ANK2: variants seen among roughly 807,000 people sequenced by gnomAD.
ANK2 encodes ankyrin 2.
ANK2 carries 83 observed loss-of-function variants against 360.5 expected under a neutral mutation model. That is an observed-to-expected ratio of 0.23 (90% CI 0.19 to 0.28). The LOEUF is 0.28. Ranked by LOEUF, ANK2 falls within the 10% of genes least tolerant of loss-of-function variation. The pLI, the probability that ANK2 is intolerant of heterozygous loss-of-function variation, is 1.00. For missense variants in ANK2, 4,201 were observed against 4,795.7 expected (o/e 0.88, Z 3.66); for synonymous variants, 1,740 against 1,759.5 (o/e 0.99, Z 0.28).
At chr4:112,895,903 G>A (rs2081590872) in intron 1 of ANK2, among the ~76,000 whole-genome samples, 1 of 152,234 alleles carries the variant, frequency 6.6e-6, no homozygotes, top group South Asian at 2.1e-4. Context: ...CAAAGCGAGA[G>A]CATTCAAACT....
intron 14 of ANK2, among the ~76,000 whole-genome samples, chr4:113,265,778 A>G (rs1337555701): frequency 1.3e-5 from 2 of 152,250 alleles, no homozygotes; most frequent in African/African-American, 4.8e-5. Context: ...CACTGACATC[A>G]TTGAGATTCT....
chr4:113,338,703 C>A (rs998798352), intron 31 of ANK2, among the ~76,000 whole-genome samples: 1 of 151,940 alleles, frequency 6.6e-6, no homozygotes, highest in Admixed American at 6.6e-5. Context: ...GTGCCCACCA[C>A]TATGCCCGGC....
chr4:112,901,103 C>G (rs1325615674), intron 1 of ANK2, among the ~76,000 whole-genome samples: 2 of 152,176 alleles, frequency 1.3e-5, no homozygotes, highest in Non-Finnish European at 2.9e-5. Flanking sequence ...ATTATGTCAT[C>G]TCCAACTACA....
At chr4:113,005,003 AC>A (rs1404953585) in intron 2 of ANK2, among the ~76,000 whole-genome samples, 5 of 152,146 alleles carry the variant, frequency 3.3e-5, no homozygotes, top group Non-Finnish European at 7.3e-5. Context: ...TTTAACTAAG[AC>A]ATGAAAACAA....
chr4:112,832,006 C>T (rs1227568470), intron 1 of ANK2, among the ~76,000 whole-genome samples: 1 of 150,426 alleles, frequency 6.6e-6, no homozygotes, highest in Admixed American at 6.6e-5. Flanking sequence ...CTGTAACACT[C>T]ACTGCAAGCG....
intron 24 of ANK2, chr4:113,317,470 A>G (rs191342832): frequency 9.2e-6 from 5 of 546,350 alleles, no homozygotes; most frequent in South Asian, 5.9e-5. Flanking sequence ...AGGAGTATCA[A>G]ATTTTAACTT....
At chr4:113,363,496 G>T (rs1275580310) in intron 40 of ANK2, 27 bp downstream of exon 40, 2 of 1,612,456 alleles carry the variant, frequency 1.2e-6, no homozygotes, top group East Asian at 2.2e-5. Context: ...ATGCATATTG[G>T]GCTAAAGTTG....
chr4:113,155,992 G>A (rs2097273276), intron 1 of ANK2, among the ~76,000 whole-genome samples: 2 of 152,194 alleles, frequency 1.3e-5, no homozygotes, highest in African/African-American at 4.8e-5. Flanking sequence ...TGTCTTTTCA[G>A]TTAGCAACTT....
chr4:112,862,940 G>A (rs1023776146), intron 1 of ANK2, among the ~76,000 whole-genome samples: 2 of 152,070 alleles, frequency 1.3e-5, no homozygotes, highest in Non-Finnish European at 2.9e-5. Flanking sequence ...AAACTCCAGA[G>A]TTTGAATTTT....
rs2095695900 is a variant in ANK2, at chr4:113,355,492, C to T, written c.6874C>T (p.Arg2292Ter). ...AGACATTACTGGTGGCTCTGAAGAG[C>T]GAGGTGCCACAGTCACTGAGGACTC... ...TKDITGGSEERGATVTEDSET... is the reference protein window; with the variant it reads ...TKDITGGSEE Residue 2292 changes from arginine (R) to a stop codon, truncating the protein, a stop_gained, in exon 38 of 46, where the codon CGA becomes TGA. Transcript: ENST00000357077. LOFTEE classifies it high-confidence loss of function. 2 of 1,613,960 alleles carry T rather than the reference C, an allele frequency of 1.2e-6. No individual in the cohort carries two copies. The highest frequency in any genetic ancestry group is 8.5e-7 in the Non-Finnish European group (1 of 1,179,958).
the ANK2 span, among the ~76,000 whole-genome samples, chr4:112,805,689 C>T: frequency 3.0e-4 from 45 of 151,596 alleles, no homozygotes; most frequent in African/African-American, 1.0e-3. Flanking sequence ...TCAAGCGATT[C>T]TCCTGCCTCA....
At chr4:113,007,846 A>C (rs1275080079) in intron 2 of ANK2, among the ~76,000 whole-genome samples, 1 of 152,166 alleles carries the variant, frequency 6.6e-6, no homozygotes, top group African/African-American at 2.4e-5. Context: ...CTGCAAACTC[A>C]ATATGAAACC....
chr4:113,342,211 G>A (rs984354008), intron 33 of ANK2, among the ~76,000 whole-genome samples: 2 of 152,186 alleles, frequency 1.3e-5, no homozygotes, highest in Admixed American at 6.5e-5. Flanking sequence ...TAGTACTTTA[G>A]ATGTTTTTAG....
intron 1 of ANK2, among the ~76,000 whole-genome samples, chr4:112,831,914 C>A (rs1443377584): frequency 6.6e-6 from 1 of 152,116 alleles, no homozygotes; most frequent in Non-Finnish European, 1.5e-5. Flanking sequence ...GCCAGCGAGA[C>A]CCCAAACCCA....
At chr4:112,912,578 G>A (rs1233198754) in intron 2 of ANK2, among the ~76,000 whole-genome samples, 1 of 151,964 alleles carries the variant, frequency 6.6e-6, no homozygotes, top group Non-Finnish European at 1.5e-5. Flanking sequence ...TCCTAGAAAA[G>A]TAACCTGGAA....
chr4:112,733,140 C>T, the ANK2 span, among the ~76,000 whole-genome samples: 15 of 152,190 alleles, frequency 9.9e-5, no homozygotes, highest in South Asian at 2.1e-4. Flanking sequence ...TGCTTGAACC[C>T]GGCAGGTGGA....
chr4:113,051,352 A>AT (rs2066910838), intron 1 of ANK2, among the ~76,000 whole-genome samples: 1 of 152,116 alleles, frequency 6.6e-6, no homozygotes, highest in African/African-American at 2.4e-5. Flanking sequence ...GAATCTTGAG[A>AT]TTTTTGAGCT....
At chr4:113,340,623 A>G (rs2094160098) in intron 32 of ANK2, among the ~76,000 whole-genome samples, 1 of 152,154 alleles carries the variant, frequency 6.6e-6, no homozygotes, top group Non-Finnish European at 1.5e-5. Flanking sequence ...TTGAGCCCAG[A>G]GAGGTCGAGG....
At chr4:113,279,248 G>A (rs573841929) in intron 17 of ANK2, among the ~76,000 whole-genome samples, 3 of 152,046 alleles carry the variant, frequency 2.0e-5, no homozygotes, top group South Asian at 4.2e-4. Context: ...ACACATCAGG[G>A]TTTATTTAAA....
Sources: allele counts gnomAD v4.1 joint callset (sites outside exome capture counted in the v4.1 genomes callset), GRCh38; gene constraint gnomAD v4.1.1; transcripts MANE v1.5; gene names NCBI Gene and HGNC (gene_info 2026-07-23, HGNC 2026-07-21).